Variants in SGCZ observed in about 807,000 individuals in gnomAD.
The protein encoded by SGCZ is zeta-sarcoglycan.
A neutral mutation model predicts 41.3 loss-of-function variants in SGCZ; 40 were observed. The ratio of observed to expected loss-of-function variants is 0.97; its 90% CI spans 0.75 to 1.26. SGCZ has a LOEUF of 1.26. Among genes scored for constraint, SGCZ ranks in the 50% most tolerant of loss-of-function variants. The pLI, the probability that SGCZ is intolerant of heterozygous loss-of-function variation, is 0.00. For synonymous variants in SGCZ, 206 were observed against 137.5 expected (o/e 1.50, Z -3.49); for missense variants, 552 against 369.8 (o/e 1.49, Z -4.04).
chr8:14,339,057 G>T (rs2117072446), intron 2 of SGCZ, among the ~76,000 whole-genome samples: 1 of 152,164 alleles, frequency 6.6e-6, no homozygotes, highest in African/African-American at 2.4e-5. Flanking sequence ...AAGAAAATTA[G>T]TAAAAAAGGA....
chr8:14,738,702 A>T (rs1442527871), intron 1 of SGCZ, among the ~76,000 whole-genome samples: 1 of 152,128 alleles, frequency 6.6e-6, no homozygotes, highest in Non-Finnish European at 1.5e-5. Context: ...CAGAGGAGTC[A>T]TGGTATCCCA....
chr8:14,779,423 G>A (rs930482256), intron 1 of SGCZ, among the ~76,000 whole-genome samples: 1 of 152,090 alleles, frequency 6.6e-6, no homozygotes, highest in Non-Finnish European at 1.5e-5. Flanking sequence ...ACCAAGGCCG[G>A]TCAAGCCTTC....
At chr8:14,173,754 A>G (rs550605749) in intron 4 of SGCZ, among the ~76,000 whole-genome samples, 151 of 127,216 alleles carry the variant, frequency 1.2e-3, no homozygotes, top group African/African-American at 3.5e-3. Context: ...GGAGATGTAC[A>G]GGAAACAGAG....
chr8:14,419,860 A>G (rs989179595), intron 2 of SGCZ, among the ~76,000 whole-genome samples: 22 of 152,004 alleles, frequency 1.4e-4, no homozygotes, highest in African/African-American at 4.8e-4. Flanking sequence ...TGAAAGTCCA[A>G]TCTTTATGCC....
intron 5 of SGCZ, among the ~76,000 whole-genome samples, chr8:14,141,722 T>C (rs1293918931): frequency 6.6e-6 from 1 of 152,108 alleles, no homozygotes; most frequent in Admixed American, 6.6e-5. Flanking sequence ...TTGATGGGAG[T>C]GTAAACTACT....
rs189414642 is a variant in SGCZ, at chr8:14,544,909, C to T, written c.234+9823G>A. Among the ~76,000 whole-genome samples the T allele has an allele frequency of 1.1e-3, 168 of 152,148 alleles. 2 individuals are homozygous for T. The South Asian group carries it at 0.012, about 11-fold the overall frequency. Reference sequence around the variant, plus strand: ...GTGATCTTTATTAGACCCTTATTAGCGGTTCTGCTTTTTGCCCTTTGAAGC... The same window carrying T: ...GTGATCTTTATTAGACCCTTATTAGTGGTTCTGCTTTTTGCCCTTTGAAGC... On this transcript the variant is annotated intron_variant, in intron 2 of 7. Coordinates refer to ENST00000382080, the MANE Select transcript of SGCZ (RefSeq NM_139167.4).
chr8:14,837,197 G>A (rs568669033), intron 1 of SGCZ, among the ~76,000 whole-genome samples: 9 of 152,232 alleles, frequency 5.9e-5, no homozygotes, highest in African/African-American at 2.2e-4. Flanking sequence ...GTAAATATGT[G>A]CACCAGTCAA....
At chr8:14,510,834 T>A (rs1254073642) in intron 2 of SGCZ, among the ~76,000 whole-genome samples, 1 of 152,126 alleles carries the variant, frequency 6.6e-6, no homozygotes, top group African/African-American at 2.4e-5. Flanking sequence ...ATAAGCCTTT[T>A]GCCAGTTTTA....
At chr8:14,214,703 T>G (rs1331922931) in intron 4 of SGCZ, among the ~76,000 whole-genome samples, 1 of 151,766 alleles carries the variant, frequency 6.6e-6, no homozygotes, top group Non-Finnish European at 1.5e-5. Context: ...AGTAATTTTT[T>G]TAAAAAAAGC....
At chr8:15,023,570 C>T (rs1001604232) in intron 1 of SGCZ, among the ~76,000 whole-genome samples, 4 of 152,142 alleles carry the variant, frequency 2.6e-5, no homozygotes, top group Admixed American at 1.3e-4. Flanking sequence ...CACCAGTCAA[C>T]AAAATATGTA....
Position 14,554,818 on chromosome 8 carries a change from A to G in SGCZ, c.148T>C (p.Tyr50His). Residue 50 changes from tyrosine (Y) to histidine (H), a missense_variant, in exon 2 of 8, where the codon TAC becomes CAC. Tyr to His is a moderately conservative substitution (Grantham distance 83). Transcript: ENST00000382080. ...GIYGWRKRCL[Y>H]FFVLLLLVTM... is the part of the protein sequence containing the mutation. ...ACCAACAGCAGAAGGACAAAGAAGT[A>G]TAAGCACCTCTTTCGCCATCCATAA... is the stretch of plus-strand genomic sequence containing the variant. 2 of 1,613,312 alleles carry G rather than the reference A, an allele frequency of 1.2e-6. No individual in the cohort carries two copies. The highest frequency in any genetic ancestry group is 1.7e-6 in the Non-Finnish European group (2 of 1,179,526).
At chr8:14,333,040 A>C (rs2117056177) in intron 2 of SGCZ, among the ~76,000 whole-genome samples, 1 of 152,012 alleles carries the variant, frequency 6.6e-6, no homozygotes, top group East Asian at 1.9e-4. Context: ...TAAATTCAAT[A>C]TTTTTGAGAA....
At position 15,127,326 on chromosome 8, in the gene SGCZ, T is replaced by C. The variant is rs535653357; in HGVS notation, c.39+110259A>G. On this transcript the variant is annotated intron_variant, in intron 1 of 7. Coordinates refer to ENST00000382080, the MANE Select transcript of SGCZ (RefSeq NM_139167.4). ...GCATACCAGGATAGGCGTTATACTA[T>C]AATTACAACTAAGTGATATGAGACA... Among the ~76,000 whole-genome samples the C allele has an allele frequency of 5.3e-5, 8 of 151,912 alleles. No homozygotes were observed. In the South Asian group the frequency reaches 1.5e-3, roughly 28 times the overall value.
At chr8:14,194,015 G>T (rs1351751725) in intron 4 of SGCZ, among the ~76,000 whole-genome samples, 5 of 151,720 alleles carry the variant, frequency 3.3e-5, no homozygotes, top group African/African-American at 7.2e-5. Flanking sequence ...TCAGCATGAT[G>T]GGACAATAGT....
intron 1 of SGCZ, among the ~76,000 whole-genome samples, chr8:15,115,964 G>A (rs1451043582): frequency 1.3e-5 from 2 of 152,186 alleles, no homozygotes; most frequent in Admixed American, 6.5e-5. Flanking sequence ...CACATAGAAA[G>A]TATTTTAGGT....
intron 4 of SGCZ, among the ~76,000 whole-genome samples, chr8:14,174,392 T>A (rs1269684104): frequency 6.6e-6 from 1 of 152,070 alleles, no homozygotes; most frequent in African/African-American, 2.4e-5. Flanking sequence ...GAGAAGAAAA[T>A]GTGTTCAACA....
chr8:14,620,634 G>A (rs547792863), intron 1 of SGCZ, among the ~76,000 whole-genome samples: 6 of 152,246 alleles, frequency 3.9e-5, no homozygotes, highest in South Asian at 2.1e-4. Flanking sequence ...CAAAGGATAC[G>A]AACAGACACT....
chr8:14,656,521 CTTT>C (rs1439153142), intron 1 of SGCZ, among the ~76,000 whole-genome samples: 1 of 145,430 alleles, frequency 6.9e-6, no homozygotes, highest in African/African-American at 2.5e-5. Context: ...CCTTCCTTTT[CTTT>C]TCTTTCTTTT....
At chr8:14,849,751 C>G (rs1803251550) in intron 1 of SGCZ, among the ~76,000 whole-genome samples, 1 of 151,840 alleles carries the variant, frequency 6.6e-6, no homozygotes, top group Non-Finnish European at 1.5e-5. Context: ...ATACTTATGT[C>G]AAAAAGTATC....
Sources: allele counts gnomAD v4.1 joint callset (sites outside exome capture counted in the v4.1 genomes callset), GRCh38; gene constraint gnomAD v4.1.1; transcripts MANE v1.5; gene names NCBI Gene and HGNC (gene_info 2026-07-23, HGNC 2026-07-21).